The following ZDHHC1 variants were observed in gnomAD, a reference collection of about 807,000 sequenced individuals.
ZDHHC1 encodes zDHHC palmitoyltransferase 1.
ZDHHC1 carries 45 observed loss-of-function variants against 46.9 expected under a neutral mutation model. The observed-to-expected ratio is 0.96, with a 90% CI of 0.76 to 1.23. The LOEUF is 1.23. Ranked by LOEUF, ZDHHC1 falls within the 50% of genes most tolerant of loss-of-function variation. The pLI is 0.00. For missense variants in ZDHHC1, 649 were observed against 670.8 expected, an observed-to-expected ratio of 0.97 and a Z score of 0.36; for synonymous variants, 291 against 286.0, an observed-to-expected ratio of 1.02 and a Z score of -0.18.
chr16:67,398,362 G>A (rs2040475197), intron 7 of ZDHHC1, 38 bp from the exon 8 acceptor site: 1 of 1,593,098 alleles, frequency 6.3e-7, no homozygotes. Context: ...CGGTGGAAGG[G>A]GGACTCTGGA....
intron 1 of ZDHHC1, among the ~76,000 whole-genome samples, chr16:67,409,447 G>A (rs1351683556): frequency 6.6e-6 from 1 of 152,234 alleles, no homozygotes; most frequent in African/African-American, 2.4e-5. Context: ...GGTGCTGCCA[G>A]GCAGACCTCC....
chr16:67,396,605 G>T (rs919487821), intron 8 of ZDHHC1, among the ~76,000 whole-genome samples: 1 of 152,188 alleles, frequency 6.6e-6, no homozygotes, highest in Admixed American at 6.5e-5. Context: ...TGACAGATCT[G>T]GGGGAGGAGC....
At chr16:67,409,779 A>T (rs2040720558) in intron 1 of ZDHHC1, among the ~76,000 whole-genome samples, 1 of 152,092 alleles carries the variant, frequency 6.6e-6, no homozygotes, top group African/African-American at 2.4e-5. Flanking sequence ...GCACCCTCTG[A>T]CCTTGGCCAG....
chr16:67,413,291 C>T (rs1237828831), intron 1 of ZDHHC1, among the ~76,000 whole-genome samples: 1 of 152,118 alleles, frequency 6.6e-6, no homozygotes, highest in African/African-American at 2.4e-5. Flanking sequence ...TTTCCGTTTC[C>T]CCCAGGATCT....
intron 3 of ZDHHC1, chr16:67,404,680 G>A (rs189351632): frequency 3.5e-5 from 16 of 455,346 alleles, no homozygotes; most frequent in Non-Finnish European, 6.6e-5. Context: ...CCCGCTATGT[G>A]ATCTCAGGAA....
At chr16:67,396,034 C>G (rs2040423949) in intron 8 of ZDHHC1, 1 of 159,208 alleles carries the variant, frequency 6.3e-6, no homozygotes, top group Non-Finnish European at 1.4e-5. Flanking sequence ...AGCCACGATC[C>G]AGGCTGCCGA....
chr16:67,411,101 A>AT (rs2040741820), intron 1 of ZDHHC1, among the ~76,000 whole-genome samples: 1 of 152,118 alleles, frequency 6.6e-6, no homozygotes, highest in Non-Finnish European at 1.5e-5. Context: ...CAAAAAAAAA[A>AT]CCATTTAGGA....
intron 8 of ZDHHC1, 163 bp from the exon 9 acceptor site, chr16:67,395,729 G>A: frequency 2.9e-6 from 2 of 686,790 alleles, no homozygotes; most frequent in Admixed American, 2.7e-5. Context: ...GTAGGGTAAG[G>A]CTTAAAACAC....
chr16:67,402,137 A>T (rs2040563700), intron 3 of ZDHHC1, among the ~76,000 whole-genome samples: 1 of 152,230 alleles, frequency 6.6e-6, no homozygotes, highest in Non-Finnish European at 1.5e-5. Flanking sequence ...GCTAAGAGAG[A>T]CAATCCTGTG....
intron 3 of ZDHHC1, among the ~76,000 whole-genome samples, chr16:67,403,837 C>T (rs896336531): frequency 6.6e-6 from 1 of 152,142 alleles, no homozygotes; most frequent in Non-Finnish European, 1.5e-5. Flanking sequence ...TGGTCTGGAA[C>T]TCCTGACCTC....
rs1180905442 is a variant in ZDHHC1 at position 67,398,846 on chromosome 16, C to T, written c.629G>A (p.Arg210His). 11 of 1,612,724 alleles carry T rather than the reference C, an allele frequency of 6.8e-6. 1 individual carries two copies. The highest frequency in any genetic ancestry group is 3.3e-4 in the Middle Eastern group (2 of 6,082). Residue 210 changes from arginine (R) to histidine (H), a missense_variant, in exon 6 of 12, where the codon CGT (arginine) becomes CAT (histidine). Coordinates refer to ENST00000565726, the MANE Select transcript of ZDHHC1 (RefSeq NM_001323627.2). ...VFVEFFVNPMRLRTNRHFEVL... is the reference protein window; with the variant it reads ...VFVEFFVNPMHLRTNRHFEVL... The stretch of plus-strand genomic sequence containing the variant: ...TTCAAAGTGTCGGTTGGTGCGCAGA[C>T]GCATGGGGTTGACAAAGAACTCCAC...
intron 1 of ZDHHC1, among the ~76,000 whole-genome samples, chr16:67,411,900 G>A (rs573573616): frequency 5.3e-5 from 8 of 152,302 alleles, no homozygotes; most frequent in East Asian, 1.9e-4. Context: ...ATCACTTGAG[G>A]TCAGGAGTTC....
At position 67,394,198 on chromosome 16, in the gene ZDHHC1, C is replaced by T. The variant is rs971293507; in HGVS notation, c.*412G>A. On this transcript the variant is annotated 3_prime_UTR_variant, in exon 12 of 12. Coordinates refer to ENST00000565726, the MANE Select transcript of ZDHHC1 (RefSeq NM_001323627.2). ...GCTTTCGGAGCCCAAAGCCTGCTTTCTCTCGGCCTCCCAGTGCAAAGCCCA... is the reference window on the plus strand; with the variant it reads ...GCTTTCGGAGCCCAAAGCCTGCTTTTTCTCGGCCTCCCAGTGCAAAGCCCA... Among the ~76,000 whole-genome samples the T allele has an allele frequency of 2.0e-5, 3 of 152,238 alleles. No individual in the cohort carries two copies. The highest frequency in any genetic ancestry group is 7.2e-5 in the African/African-American group (3 of 41,468).
chr16:67,399,973 G>A (rs2040517949), intron 4 of ZDHHC1, among the ~76,000 whole-genome samples: 2 of 152,200 alleles, frequency 1.3e-5, no homozygotes, highest in Admixed American at 1.3e-4. Flanking sequence ...AGAAGTGCAG[G>A]CTGCCATCCG....
Position 67,401,044 on chromosome 16 carries a change from C to T in ZDHHC1, c.341G>A (p.Ser114Asn), listed in dbSNP as rs139962485. 1.3e-3 allele frequency: 2,091 copies of T among 1,614,158 alleles called. 7 individuals are homozygous for T. The highest frequency in any genetic ancestry group is 1.5e-3 in the Non-Finnish European group (1,778 of 1,180,034). Residue 114 changes from serine (S) to asparagine (N), a missense_variant, in exon 4 of 12, where the codon AGC (serine) becomes AAC (asparagine). By Grantham distance (46) the Ser-to-Asn change is conservative. Coordinates refer to ENST00000565726, the MANE Select transcript of ZDHHC1 (RefSeq NM_001323627.2). The surrounding 1 kb of genome is among the most constrained non-coding windows in gnomAD (Gnocchi z 4.6). The stretch of plus-strand genomic sequence containing the variant: ...GAAGATGGGCAGGGGCCCCGCATAG[C>T]TCTTGTCCCGCACGTTGGCATCTGC... The part of the protein sequence containing the change: ...DPADANVRDK[S>N]YAGPLPIFNR...
At chr16:67,405,677 C>G (rs2040640681) in intron 3 of ZDHHC1, among the ~76,000 whole-genome samples, 1 of 152,180 alleles carries the variant, frequency 6.6e-6, no homozygotes, top group Non-Finnish European at 1.5e-5. Context: ...TCACATTCAA[C>G]CTCACTCTAA....
rs367700224 is a variant in ZDHHC1, at chr16:67,398,239, T to A, written c.900A>T (p.Ser300=). Residue 300 remains serine (S), a synonymous_variant, in exon 8 of 12, where the codon TCA becomes TCT. Transcript: ENST00000565726. ...GAATGGGCCGCATCTTGGGAGGACA[T>A]GACTCGAGCTCCCTGTGAACCCCCT... ...EAKGVHRELE[S]CPPKMRPIQE... The A allele has an allele frequency of 2.7e-5, 44 of 1,612,434 alleles. No individual in the cohort carries two copies. The highest frequency in any genetic ancestry group is 3.5e-5 in the Non-Finnish European group (41 of 1,179,062).
intron 4 of ZDHHC1, 77 bp downstream of exon 4, chr16:67,400,880 T>G: frequency 6.5e-7 from 1 of 1,528,324 alleles, no homozygotes; most frequent in South Asian, 1.2e-5. Context: ...CAGGGATGTC[T>G]GTGAAGCCCT....
At chr16:67,408,957 A>G (rs2040707446) in intron 1 of ZDHHC1, among the ~76,000 whole-genome samples, 1 of 152,236 alleles carries the variant, frequency 6.6e-6, no homozygotes, top group Non-Finnish European at 1.5e-5. Flanking sequence ...CACCAGGGCA[A>G]TTACTTTGAA....
Sources: gnomAD v4.1 joint callset for allele counts (sites outside exome capture counted in the v4.1 genomes callset) on GRCh38, gnomAD v4.1.1 for gene constraint, Gnocchi (gnomAD v3.1) non-coding constraint, MANE v1.5 for transcripts, NCBI Gene and HGNC (gene_info 2026-07-23, HGNC 2026-07-21) for gene names.